SCAI: variants seen among roughly 807,000 people sequenced by gnomAD.
SCAI encodes protein SCAI.
A neutral mutation model predicts 92.2 loss-of-function variants in SCAI; 24 were observed. That is an observed-to-expected ratio of 0.26 (90% CI 0.19 to 0.37). SCAI has a LOEUF of 0.37. SCAI is among the 10% of genes least tolerant of loss of function. The probability of loss-of-function intolerance (pLI) is 1.00; values close to 1 mark genes in which losing one functional copy is unlikely to be tolerated. For missense variants in SCAI, 450 were observed against 736.2 expected (o/e 0.61, Z 4.50); for synonymous variants, 261 against 258.6 (o/e 1.01, Z -0.09).
intron 2 of SCAI, among the ~76,000 whole-genome samples, chr9:125,095,031 A>C (rs1209669509): frequency 6.6e-6 from 1 of 152,238 alleles, no homozygotes; most frequent in Non-Finnish European, 1.5e-5. Context: ...CAGATGTGTC[A>C]CCCAGCTCTC....
chr9:125,132,073 C>G (rs1347436292), intron 2 of SCAI, among the ~76,000 whole-genome samples: 1 of 151,902 alleles, frequency 6.6e-6, no homozygotes, highest in African/African-American at 2.4e-5. Context: ...TTTCACTCAA[C>G]ATGCTTTCGC....
intron 3 of SCAI, among the ~76,000 whole-genome samples, chr9:125,035,701 A>G (rs1833180564): frequency 6.6e-6 from 1 of 152,220 alleles, no homozygotes; most frequent in Non-Finnish European, 1.5e-5. Flanking sequence ...AAGTTAGATA[A>G]TACTATCATC....
intron 2 of SCAI, among the ~76,000 whole-genome samples, chr9:125,064,956 A>T (rs1470439374): frequency 6.6e-6 from 1 of 152,204 alleles, no homozygotes; most frequent in Non-Finnish European, 1.5e-5. Flanking sequence ...TTCTGAACTG[A>T]TTCACAATGA....
At chr9:125,021,142 AT>A (rs1832862861) in intron 6 of SCAI, among the ~76,000 whole-genome samples, 1 of 152,240 alleles carries the variant, frequency 6.6e-6, no homozygotes, top group African/African-American at 2.4e-5. Context: ...GATAGGAGAA[AT>A]AAAGAATGCT....
At chr9:125,092,065 G>A (rs1181270199) in intron 2 of SCAI, among the ~76,000 whole-genome samples, 2 of 147,294 alleles carry the variant, frequency 1.4e-5, no homozygotes, top group East Asian at 4.0e-4. Context: ...AGGAGGCGGA[G>A]CTTGCAGTGA....
intron 5 of SCAI, among the ~76,000 whole-genome samples, chr9:125,027,521 T>C (rs1169118603): frequency 1.3e-5 from 2 of 152,152 alleles, no homozygotes. Context: ...TTCTTTTTTC[T>C]AATTTTTTAT....
At chr9:125,112,457 C>T (rs1218489723) in intron 2 of SCAI, among the ~76,000 whole-genome samples, 3 of 152,200 alleles carry the variant, frequency 2.0e-5, no homozygotes, top group Admixed American at 1.3e-4. Context: ...CAAGTAAACT[C>T]TTCTTGTAAC....
chr9:125,127,407 T>A, intron 2 of SCAI, among the ~76,000 whole-genome samples: 1 of 145,252 alleles, frequency 6.9e-6, no homozygotes, highest in East Asian at 2.0e-4. Flanking sequence ...AGGGCAGAAT[T>A]TTTTTTTTTT....
At chr9:125,138,202 C>T (rs1283908267) in intron 2 of SCAI, among the ~76,000 whole-genome samples, 2 of 151,236 alleles carry the variant, frequency 1.3e-5, no homozygotes, top group South Asian at 2.1e-4. Context: ...ATGTGCCAGG[C>T]ACTATCCTAG....
At chr9:125,063,511 T>G (rs1436487839) in intron 2 of SCAI, among the ~76,000 whole-genome samples, 1 of 152,014 alleles carries the variant, frequency 6.6e-6, no homozygotes, top group Non-Finnish European at 1.5e-5. Flanking sequence ...GTAATAAAAT[T>G]TAATGATGAA....
chr9:124,956,752 A>G (rs755709273), intron 17 of SCAI, among the ~76,000 whole-genome samples: 31 of 152,214 alleles, frequency 2.0e-4, no homozygotes, highest in Non-Finnish European at 3.8e-4. Context: ...AAAATCAGGA[A>G]GAAGGCAAGG....
At chr9:125,004,879 C>G (rs1032212728) in intron 9 of SCAI, among the ~76,000 whole-genome samples, 1 of 145,868 alleles carries the variant, frequency 6.9e-6, no homozygotes, top group Non-Finnish European at 1.5e-5. Flanking sequence ...ACCTCCTCCT[C>G]CCGGGTTCAA....
rs548563972 is a variant in SCAI, at chr9:125,003,986, G to C, written c.862-416C>G. Among the ~76,000 whole-genome samples the C allele has an allele frequency of 3.9e-5, 6 of 152,118 alleles. No homozygotes were observed. The South Asian group carries it at 1.2e-3, about 32-fold the overall frequency. On this transcript the variant is annotated intron_variant, in intron 9 of 17. Transcript: ENST00000336505. ...AGGTCAGGAGTTCGAGACCAGCCTG[G>C]CCAACATGGTGAAACCCCATCTCTA...
intron 13 of SCAI, 105 bp downstream of exon 13, chr9:124,999,786 G>T (rs1035827190): frequency 6.3e-6 from 4 of 636,114 alleles, no homozygotes; most frequent in Admixed American, 3.2e-5. Flanking sequence ...TAGTCTAAGG[G>T]AATCATTCTA....
chr9:125,067,575 C>T (rs978007346), intron 2 of SCAI, among the ~76,000 whole-genome samples: 1 of 152,180 alleles, frequency 6.6e-6, no homozygotes, highest in Non-Finnish European at 1.5e-5. Context: ...CCTTCTGAGT[C>T]GCTAAGAAGG....
At chr9:125,070,950 T>C (rs141455881) in intron 2 of SCAI, among the ~76,000 whole-genome samples, 134 of 152,296 alleles carry the variant, frequency 8.8e-4, no homozygotes, top group Non-Finnish European at 1.6e-3. Context: ...AATTGGATCA[T>C]GGGGGCGGTT....
intron 2 of SCAI, among the ~76,000 whole-genome samples, chr9:125,074,548 C>T (rs867459592): frequency 1.1e-4 from 17 of 151,026 alleles, no homozygotes; most frequent in East Asian, 2.1e-4. Flanking sequence ...ATGAGCCTGG[C>T]CTCATTCTGC....
At chr9:125,126,422 T>TGTGTGA (rs1554794249) in intron 2 of SCAI, among the ~76,000 whole-genome samples, 4 of 142,896 alleles carry the variant, frequency 2.8e-5, no homozygotes, top group African/African-American at 1.0e-4. Context: ...TGTGTGTGTG[T>TGTGTGA]GAGAGAGAGA....
chr9:124,963,145 T>C (rs1157737717), intron 17 of SCAI, among the ~76,000 whole-genome samples: 1 of 149,708 alleles, frequency 6.7e-6, no homozygotes, highest in African/African-American at 2.5e-5. Context: ...AAAGAATTTT[T>C]TCCCCCCCGA....
Sources: allele counts gnomAD v4.1 joint callset (sites outside exome capture counted in the v4.1 genomes callset), GRCh38; gene constraint gnomAD v4.1.1; transcripts MANE v1.5; gene names NCBI Gene and HGNC (gene_info 2026-07-23, HGNC 2026-07-21).